The following GNG2 variants were observed in gnomAD, a reference collection of about 807,000 sequenced individuals.
The protein encoded by GNG2 is G protein subunit gamma 2.
GNG2 carries 5 observed loss-of-function variants against 5.5 expected under a neutral mutation model. The ratio of observed to expected loss-of-function variants is 0.91; its 90% confidence interval spans 0.48 to 1.92. The LOEUF is 1.92. Among genes scored for constraint, GNG2 ranks in the 30% most tolerant of loss-of-function variants. The pLI is 0.01. For synonymous variants in GNG2, 28 were observed against 32.0 expected (o/e 0.88, Z 0.42); for missense variants, 55 against 88.4 (o/e 0.62, Z 1.52).
rs148316488 is a variant in GNG2 at position 51,906,494 on chromosome 14, T to TA, written c.-30+28839dup. On this transcript the variant is annotated intron_variant, in intron 2 of 3. Coordinates refer to ENST00000556766, the MANE Select transcript of GNG2 (RefSeq NM_053064.5). ...ATCTTAGTGAAGAATAAGAATTTTT[T>TA]AACCTTGCATTGGCATCTCTAGAAC... 6.5e-3 allele frequency among the ~76,000 whole-genome samples: 988 copies of TA among 152,300 alleles called. 13 individuals carry two copies. The highest frequency in any genetic ancestry group is 0.023 in the African/African-American group (940 of 41,570).
In GNG2 at chr14:51,945,731, G is replaced by T. The variant is rs1045661882; in HGVS notation, c.-29-4919G>T. ...TTTTTTAAAAAAGAAAAATGAATCAGTGTAGAGGTCTTCTTTTAGCATAAA... is the reference window on the plus strand; with the variant it reads ...TTTTTTAAAAAAGAAAAATGAATCATTGTAGAGGTCTTCTTTTAGCATAAA... On this transcript the variant is annotated intron_variant, in intron 2 of 3. Transcript: ENST00000556766. Among the ~76,000 whole-genome samples, 5 of 152,192 alleles carry T rather than the reference G, an allele frequency of 3.3e-5. No individual in the cohort carries two copies. In the South Asian group the frequency reaches 1.0e-3, roughly 32 times the overall value.
intron 2 of GNG2, among the ~76,000 whole-genome samples, chr14:51,851,923 AC>A (rs913898278): frequency 2.6e-5 from 4 of 152,252 alleles, no homozygotes; most frequent in Non-Finnish European, 5.9e-5. Context: ...TTCCACTTTT[AC>A]ATCAGCTCTG....
intron 3 of GNG2, among the ~76,000 whole-genome samples, chr14:51,959,280 A>G (rs780945199): frequency 1.1e-4 from 16 of 152,046 alleles, no homozygotes; most frequent in Non-Finnish European, 1.9e-4. Flanking sequence ...AGCATCATAC[A>G]TCTCACTAAT....
At chr14:51,945,508 T>C (rs1385946823) in intron 2 of GNG2, among the ~76,000 whole-genome samples, 3 of 133,694 alleles carry the variant, frequency 2.2e-5, no homozygotes, top group African/African-American at 5.1e-5. Context: ...GAAAGTAGAA[T>C]GGTGGCTGCC....
At chr14:51,827,867 A>T (rs940042298) in intron 2 of GNG2, 16 of 626,220 alleles carry the variant, frequency 2.6e-5, no homozygotes, top group Non-Finnish European at 4.6e-5. Flanking sequence ...TGAAGTGTTT[A>T]TTCTCTGAGG....
intron 2 of GNG2, among the ~76,000 whole-genome samples, chr14:51,831,148 C>G (rs971504596): frequency 2.6e-5 from 4 of 152,226 alleles, no homozygotes; most frequent in African/African-American, 9.6e-5. Flanking sequence ...AATTATTTAA[C>G]TCCAACAGTT....
At chr14:51,894,216 A>T (rs899843950) in intron 2 of GNG2, among the ~76,000 whole-genome samples, 1 of 152,176 alleles carries the variant, frequency 6.6e-6, no homozygotes, top group African/African-American at 2.4e-5. Flanking sequence ...TCTGGAAAAC[A>T]TGCTTCTCAA....
At chr14:51,963,154 C>A (rs192201181) in intron 3 of GNG2, among the ~76,000 whole-genome samples, 4 of 152,302 alleles carry the variant, frequency 2.6e-5, no homozygotes, top group African/African-American at 4.8e-5. Flanking sequence ...ACTGTTGGAG[C>A]ATTGCCCACA....
At chr14:51,845,928 C>T (rs1028310689) in intron 2 of GNG2, among the ~76,000 whole-genome samples, 5 of 152,120 alleles carry the variant, frequency 3.3e-5, no homozygotes, top group Admixed American at 2.6e-4. Flanking sequence ...TGTAGTCCCC[C>T]GGGCACAGAG....
At chr14:51,845,109 GT>G (rs926774691) in intron 2 of GNG2, among the ~76,000 whole-genome samples, 6 of 152,006 alleles carry the variant, frequency 3.9e-5, no homozygotes, top group African/African-American at 1.4e-4. Flanking sequence ...ATTGTGAATT[GT>G]TTTTTTTCTC....
chr14:51,950,761 TA>T lies in GNG2; in HGVS notation c.86del (p.Lys29ArgfsTer9). On this transcript the variant is annotated frameshift_variant, in exon 3 of 4. Transcript: ENST00000556766. LOFTEE classifies it high-confidence loss of function. ...AAGATGGAAGCCAATATCGACAGGA[TA>T]AAGGTGAGGATGGTCTAACCCCACA... ...QLKMEANIDR[I>X]KVSKAAADLM... The T allele has an allele frequency of 6.3e-7, 1 of 1,598,366 alleles. No homozygotes were observed. The highest frequency in any genetic ancestry group is 8.5e-7 in the Non-Finnish European group (1 of 1,171,456).
intron 2 of GNG2, among the ~76,000 whole-genome samples, chr14:51,931,857 G>A (rs1451966251): frequency 6.6e-6 from 1 of 152,154 alleles, no homozygotes; most frequent in Non-Finnish European, 1.5e-5. Context: ...TTGAAAGCAG[G>A]ATCTCAAAGA....
At chr14:51,931,623 C>G (rs779017479) in intron 2 of GNG2, among the ~76,000 whole-genome samples, 1 of 151,912 alleles carries the variant, frequency 6.6e-6, no homozygotes, top group Non-Finnish European at 1.5e-5. Context: ...GGAGATGAAT[C>G]AAACCAAGAA....
intron 2 of GNG2, among the ~76,000 whole-genome samples, chr14:51,945,129 C>CA (rs763915000): frequency 5.2e-5 from 6 of 114,338 alleles, no homozygotes; most frequent in East Asian, 2.5e-4. Flanking sequence ...ACAAAACAAA[C>CA]AAACAAAAAA....
rs34240079 is a variant in GNG2 at position 51,906,757 on chromosome 14, C to CTTTTTTTTT, written c.-30+29108_-30+29116dup. Among the ~76,000 whole-genome samples, 20 of 105,300 alleles carry CTTTTTTTTT rather than the reference C, an allele frequency of 1.9e-4. 4 individuals carry two copies. The highest frequency in any genetic ancestry group is 6.1e-4 in the South Asian group (2 of 3,264). 69.1% of individuals were successfully genotyped at this position (105,300 alleles called of 152,430 possible). On this transcript the variant is annotated intron_variant, in intron 2 of 3. Transcript: ENST00000556766. ...TTGCATGCAGCCTGCTGGAGAATCT[C>CTTTTTTTTT]TTTTTTTTTTTTTTTTGAGACGGAG...
chr14:51,889,113 T>C (rs1884661999), intron 2 of GNG2, among the ~76,000 whole-genome samples: 2 of 146,750 alleles, frequency 1.4e-5, no homozygotes, highest in Non-Finnish European at 1.5e-5. Context: ...TTTGCGCTTT[T>C]TTTTTTTTTT....
intron 1 of GNG2, among the ~76,000 whole-genome samples, chr14:51,863,516 A>G (rs532430245): frequency 6.6e-6 from 1 of 152,298 alleles, no homozygotes; most frequent in African/African-American, 2.4e-5. Flanking sequence ...GACTTTTTTT[A>G]TAGTGATAAA....
At chr14:51,930,347 G>C (rs557463495) in intron 2 of GNG2, among the ~76,000 whole-genome samples, 1 of 152,316 alleles carries the variant, frequency 6.6e-6, no homozygotes, top group Admixed American at 6.5e-5. Flanking sequence ...AATGATTTCA[G>C]ATGAGAGCTC....
At chr14:51,920,210 G>A (rs1004631195) in intron 2 of GNG2, among the ~76,000 whole-genome samples, 1 of 152,124 alleles carries the variant, frequency 6.6e-6, no homozygotes, top group Admixed American at 6.5e-5. Context: ...TGCAAGACTT[G>A]AGCATCCTCA....
Sources: allele counts gnomAD v4.1 joint callset (sites outside exome capture counted in the v4.1 genomes callset), GRCh38; gene constraint gnomAD v4.1.1; transcripts MANE v1.5; gene names NCBI Gene and HGNC (gene_info 2026-07-23, HGNC 2026-07-21).